SUGCT: variants seen among roughly 807,000 people sequenced by gnomAD.
SUGCT encodes the protein succinyl-CoA:glutarate-CoA transferase.
In SUGCT, 41 loss-of-function variants were observed where a neutral mutation model predicts 55.0. The observed-to-expected ratio is 0.74, with a 90% CI of 0.58 to 0.97. The LOEUF (loss-of-function observed/expected upper bound fraction) is 0.97. SUGCT is among the 50% of genes least tolerant of loss of function. SUGCT has a pLI of 0.00. For synonymous variants in SUGCT, 187 were observed against 200.4 expected, an observed-to-expected ratio of 0.93 and a Z score of 0.56; for missense variants, 568 against 547.8, an observed-to-expected ratio of 1.04 and a Z score of -0.37.
Position 40,188,251 on chromosome 7 carries a change from T to C in SUGCT, c.227-244T>C, listed in dbSNP as rs570023120. Among the ~76,000 whole-genome samples the C allele has an allele frequency of 4.6e-5, 7 of 152,022 alleles. No individual in the cohort carries two copies. In the East Asian group the frequency reaches 9.7e-4, roughly 21 times the overall value. On this transcript the variant is annotated intron_variant, in intron 3 of 13. Coordinates refer to ENST00000335693, the MANE Select transcript of SUGCT (RefSeq NM_001193313.2). The stretch of plus-strand genomic sequence containing the variant: ...GAGTTTGAGACCAGCCTGGCCAACA[T>C]GGTGAAATCCTGTCTCTACTAAAAA...
chr7:40,434,998 A>G (rs1383123281), intron 9 of SUGCT, among the ~76,000 whole-genome samples: 1 of 152,088 alleles, frequency 6.6e-6, no homozygotes, highest in Non-Finnish European at 1.5e-5. Flanking sequence ...AGCCATTCAC[A>G]CTTCCCATAG....
At chr7:40,376,025 A>G (rs568250304) in intron 9 of SUGCT, among the ~76,000 whole-genome samples, 1 of 152,240 alleles carries the variant, frequency 6.6e-6, no homozygotes, top group Non-Finnish European at 1.5e-5. Flanking sequence ...ACAGAAATTC[A>G]TACGTAATAG....
chr7:40,744,340 A>G (rs1311627282), intron 12 of SUGCT, among the ~76,000 whole-genome samples: 1 of 152,178 alleles, frequency 6.6e-6, no homozygotes, highest in East Asian at 1.9e-4. Context: ...CTGTGGTGCC[A>G]GAGTATCCTT....
At chr7:40,398,232 C>T (rs1199106769) in intron 9 of SUGCT, among the ~76,000 whole-genome samples, 1 of 152,198 alleles carries the variant, frequency 6.6e-6, no homozygotes, top group Non-Finnish European at 1.5e-5. Context: ...GCTGGGATTA[C>T]AGGCACATGC....
chr7:40,917,799 C>T, the SUGCT span, among the ~76,000 whole-genome samples: 1 of 152,106 alleles, frequency 6.6e-6, no homozygotes, highest in African/African-American at 2.4e-5. Context: ...GAGAGAAGAA[C>T]CTCTGGCATC....
At chr7:40,652,940 C>G (rs958643757) in intron 12 of SUGCT, among the ~76,000 whole-genome samples, 1 of 152,206 alleles carries the variant, frequency 6.6e-6, no homozygotes, top group Non-Finnish European at 1.5e-5. Context: ...TTTCCTCACA[C>G]TCTGTTCTAA....
the SUGCT span, among the ~76,000 whole-genome samples, chr7:40,917,223 G>A: frequency 3.2e-4 from 49 of 152,084 alleles, no homozygotes; most frequent in African/African-American, 9.9e-4. Context: ...TTGTATCTTC[G>A]ACTCTTCTAA....
At chr7:40,821,730 G>A (rs961209436) in intron 13 of SUGCT, among the ~76,000 whole-genome samples, 25 of 152,008 alleles carry the variant, frequency 1.6e-4, no homozygotes, top group Admixed American at 1.5e-3. Flanking sequence ...TGGATTCATT[G>A]ATTTTTTTGA....
chr7:40,916,380 G>C, the SUGCT span, among the ~76,000 whole-genome samples: 1 of 152,184 alleles, frequency 6.6e-6, no homozygotes, highest in Non-Finnish European at 1.5e-5. Context: ...TCCAGTTAAA[G>C]TGAATCCCAG....
At chr7:40,346,906 G>A (rs973114418) in intron 9 of SUGCT, among the ~76,000 whole-genome samples, 1 of 152,188 alleles carries the variant, frequency 6.6e-6, no homozygotes, top group Non-Finnish European at 1.5e-5. Flanking sequence ...GCTGGAACGC[G>A]ATTCTCGGAC....
chr7:40,727,306 C>T (rs780498452), intron 12 of SUGCT, among the ~76,000 whole-genome samples: 5 of 152,162 alleles, frequency 3.3e-5, no homozygotes, highest in East Asian at 1.9e-4. Flanking sequence ...ATTTCTAAGT[C>T]GCAGTTGTTG....
At chr7:40,862,296 A>G (rs1369825776), downstream of SUGCT, among the ~76,000 whole-genome samples, 1 of 152,198 alleles carries the variant, frequency 6.6e-6, no homozygotes, top group Admixed American at 6.5e-5. Context: ...GTGAAATCAT[A>G]TATGTAAGTG....
At chr7:40,709,215 A>G (rs1242082290) in intron 12 of SUGCT, among the ~76,000 whole-genome samples, 1 of 152,220 alleles carries the variant, frequency 6.6e-6, no homozygotes, top group Non-Finnish European at 1.5e-5. Context: ...TAAGACTCCT[A>G]TGGGTATTCC....
At chr7:40,891,764 C>T in the SUGCT span, among the ~76,000 whole-genome samples, 6 of 152,244 alleles carry the variant, frequency 3.9e-5, no homozygotes, top group East Asian at 1.2e-3. Context: ...AATCCCAGCA[C>T]TTTGGGAGGC....
intron 6 of SUGCT, among the ~76,000 whole-genome samples, chr7:40,210,479 T>C (rs947964846): frequency 1.2e-4 from 18 of 150,034 alleles, no homozygotes; most frequent in African/African-American, 4.3e-4. Context: ...TATATATATA[T>C]GTGTATATAT....
intron 11 of SUGCT, among the ~76,000 whole-genome samples, chr7:40,467,610 A>G (rs1246421013): frequency 1.3e-5 from 2 of 152,112 alleles, no homozygotes; most frequent in East Asian, 3.9e-4. Flanking sequence ...TACTTCCCCA[A>G]TTGTTTGCTT....
chr7:40,556,909 C>T (rs1185047001), intron 12 of SUGCT, among the ~76,000 whole-genome samples: 1 of 152,132 alleles, frequency 6.6e-6, no homozygotes, highest in East Asian at 1.9e-4. Context: ...GATTGGAAGG[C>T]TGTATTAGTC....
At chr7:40,923,110 T>A in the SUGCT span, among the ~76,000 whole-genome samples, 3 of 152,166 alleles carry the variant, frequency 2.0e-5, no homozygotes, top group African/African-American at 7.2e-5. Flanking sequence ...TGAGGGAGAC[T>A]CCTTAGCCTA....
At chr7:40,903,018 ATTTCT>A in the SUGCT span, among the ~76,000 whole-genome samples, 21 of 149,808 alleles carry the variant, frequency 1.4e-4, no homozygotes, top group African/African-American at 1.7e-4. Flanking sequence ...ACTTTCTTTC[ATTTCT>A]TTTCTTTTCT....
Sources: allele counts gnomAD v4.1 joint callset (sites outside exome capture counted in the v4.1 genomes callset), GRCh38; gene constraint gnomAD v4.1.1; transcripts MANE v1.5; gene names NCBI Gene and HGNC (gene_info 2026-07-23, HGNC 2026-07-21).